Variants in SHC2 observed in about 807,000 individuals in gnomAD.
SHC2 encodes SHC adaptor protein 2.
Under a neutral mutation model 60.6 loss-of-function variants are expected in SHC2, and 62 were observed. The ratio of observed to expected loss-of-function variants is 1.02; its 90% CI spans 0.83 to 1.26. SHC2 has a LOEUF of 1.26. SHC2 is among the 50% of genes most tolerant of loss of function. The probability of loss-of-function intolerance (pLI) is 0.00; values close to 1 mark genes in which losing one functional copy is unlikely to be tolerated. For missense variants in SHC2, 873 were observed against 822.2 expected, an observed-to-expected ratio of 1.06 and a Z score of -0.76; for synonymous variants, 375 against 372.4, an observed-to-expected ratio of 1.01 and a Z score of -0.08.
At chr19:428,748 A>C (rs1282140105) in intron 9 of SHC2, among the ~76,000 whole-genome samples, 1 of 152,154 alleles carries the variant, frequency 6.6e-6, no homozygotes, top group Non-Finnish European at 1.5e-5. Context: ...GGACGAATGC[A>C]GTACCTATAT....
At chr19:435,125 T>C (rs1974686589) in intron 7 of SHC2, among the ~76,000 whole-genome samples, 1 of 152,132 alleles carries the variant, frequency 6.6e-6, no homozygotes, top group Admixed American at 6.5e-5. Flanking sequence ...CTCCACTCCT[T>C]TCTGCCCACC....
At chr19:460,199 G>A (rs112177442) in intron 1 of SHC2, among the ~76,000 whole-genome samples, 4 of 152,244 alleles carry the variant, frequency 2.6e-5, no homozygotes, top group East Asian at 3.9e-4. Context: ...TGTCCGGGGG[G>A]CTCCGGTGGC....
intron 9 of SHC2, among the ~76,000 whole-genome samples, chr19:427,346 C>T (rs1381426887): frequency 1.3e-5 from 2 of 152,212 alleles, no homozygotes; most frequent in African/African-American, 4.8e-5. Context: ...CAGTTCCCGG[C>T]TCAGCATGCA....
chr19:440,789 G>T lies in SHC2; in HGVS notation c.539+73C>A. ...CGCGGCTGTCGGAGAGCCCATCGCTGCCGCCCTCCAGTGCTGCCGCCCTCC... is the reference window on the plus strand; with the variant it reads ...CGCGGCTGTCGGAGAGCCCATCGCTTCCGCCCTCCAGTGCTGCCGCCCTCC... On this transcript the variant is annotated intron_variant, in intron 2 of 12. Transcript: ENST00000264554. This position sits in a 1 kb window ranked among gnomAD's most constrained non-coding sequence, Gnocchi z 7.0. 1 of 1,337,164 alleles carries T rather than the reference G, an allele frequency of 7.5e-7. No homozygotes were observed. The highest frequency in any genetic ancestry group is 1.1e-6 in the Non-Finnish European group (1 of 940,858). The allele number at this position is 1,337,164 out of a possible 1,614,324, so 82.8% of individuals were successfully genotyped here.
intron 10 of SHC2, among the ~76,000 whole-genome samples, chr19:423,823 C>T (rs763418199): frequency 9.2e-5 from 14 of 152,178 alleles, no homozygotes; most frequent in Admixed American, 2.0e-4. Flanking sequence ...GGAGGACGGA[C>T]GAGAAGACAC....
At position 417,157 on chromosome 19, in the gene SHC2, C is replaced by CG. The variant is rs890826568; in HGVS notation, c.*170dup. On this transcript the variant is annotated 3_prime_UTR_variant, in exon 13 of 13. Transcript: ENST00000264554. ...CGGCAGGAGGAGGCTCTGCCCAGCCCGGGGCCAGCTGGAGGAAGGACCATG... is the reference window on the plus strand; with the variant it reads ...CGGCAGGAGGAGGCTCTGCCCAGCCCGGGGGCCAGCTGGAGGAAGGACCATG... 6.5e-6 allele frequency: 1 copy of CG among 152,782 alleles called. No homozygotes were observed. Among genetic ancestry groups the CG allele is most frequent in the Non-Finnish European group, 1.5e-5 (1 of 68,274 alleles). The allele number at this position is 152,782 out of a possible 1,614,324, so 9.5% of individuals were successfully genotyped here. A position where few individuals can be genotyped will look rare whatever the true frequency, so the allele number is the denominator to read the frequency against.
At position 425,783 on chromosome 19, in the gene SHC2, C is replaced by T. The variant is rs1384861506; in HGVS notation, c.1175-552G>A. Among the ~76,000 whole-genome samples, 4 of 152,058 alleles carry T rather than the reference C, an allele frequency of 2.6e-5. No homozygotes were observed. Among genetic ancestry groups the T allele is most frequent in the East Asian group, 1.9e-4 (1 of 5,196 alleles). ...GTGGCTCACGCCTGTAATCCCAGCA[C>T]TTTGGGAGGCCGAGGTGGGTGAATC... is the stretch of plus-strand genomic sequence containing the variant. On this transcript the variant is annotated intron_variant, in intron 9 of 12. Transcript: ENST00000264554. This position sits in a 1 kb window ranked among gnomAD's most constrained non-coding sequence, Gnocchi z 4.1.
chr19:445,133 G>T lies in SHC2; in HGVS notation c.469-4201C>A, dbSNP rs1975022499. Among the ~76,000 whole-genome samples, 1 of 152,248 alleles carries T rather than the reference G, an allele frequency of 6.6e-6. No individual in the cohort carries two copies. The highest frequency in any genetic ancestry group is 2.4e-5 in the African/African-American group (1 of 41,456). ...GACCAGAAATTCAGGGCTTTTCTGTGAAATTCTCCCAGTTTGTAAATATCG... is the reference window on the plus strand; with the variant it reads ...GACCAGAAATTCAGGGCTTTTCTGTTAAATTCTCCCAGTTTGTAAATATCG... On this transcript the variant is annotated intron_variant, in intron 1 of 12. Coordinates refer to ENST00000264554, the MANE Select transcript of SHC2 (RefSeq NM_012435.3). This position sits in a 1 kb window ranked among gnomAD's most constrained non-coding sequence, Gnocchi z 4.4.
Position 460,982 on chromosome 19 carries a change from C to T in SHC2, c.15G>A (p.Pro5=). Residue 5 remains proline, a synonymous_variant, in exon 1 of 13, where the codon CCG becomes CCA. Transcript: ENST00000264554. ...GGGGCGCCGGGGGCGCGCGCCCGCC[C>T]GGACCCTGCGTCATGGCCGCGGCCG... MTQG[P]GGRAPPAPPA... 2.0e-6 allele frequency: 2 copies of T among 978,066 alleles called. No individual in the cohort carries two copies. The highest frequency in any genetic ancestry group is 1.8e-5 in the African/African-American group (1 of 56,746). 60.6% of individuals were successfully genotyped at this position (978,066 alleles called of 1,614,324 possible).
rs186026137 is a variant in SHC2 at position 435,403 on chromosome 19, C to T, written c.954-538G>A. ...GGCAGCTCTGGAGGCAGGCGAGGAGCCCGTCTCAGCTTCGGAGCGTGCTGA... is the reference window on the plus strand; with the variant it reads ...GGCAGCTCTGGAGGCAGGCGAGGAGTCCGTCTCAGCTTCGGAGCGTGCTGA... On this transcript the variant is annotated intron_variant, in intron 7 of 12. Transcript: ENST00000264554. Among the ~76,000 whole-genome samples, 314 of 152,346 alleles carry T rather than the reference C, an allele frequency of 2.1e-3. 2 individuals carry two copies. Among genetic ancestry groups the T allele is most frequent in the African/African-American group, 7.1e-3 (295 of 41,584 alleles).
chr19:437,463 G>A (rs1368285755), intron 4 of SHC2, among the ~76,000 whole-genome samples: 1 of 151,946 alleles, frequency 6.6e-6, no homozygotes, highest in African/African-American at 2.4e-5. Context: ...GTAAGCCCCC[G>A]ATACCAGCCA....
intron 12 of SHC2, among the ~76,000 whole-genome samples, chr19:418,496 C>T (rs1193973147): frequency 6.6e-6 from 1 of 152,256 alleles, no homozygotes; most frequent in Non-Finnish European, 1.5e-5. Context: ...AAACGTGGTC[C>T]CCTCACACAG....
chr19:454,457 G>A (rs918605779), intron 1 of SHC2, among the ~76,000 whole-genome samples: 3 of 152,284 alleles, frequency 2.0e-5, no homozygotes, highest in Admixed American at 6.5e-5. Flanking sequence ...GGTCTCCCGT[G>A]GCTGCCCTAA....
chr19:430,390 T>G (rs1196400404), intron 9 of SHC2, among the ~76,000 whole-genome samples: 2 of 151,630 alleles, frequency 1.3e-5, no homozygotes, highest in African/African-American at 4.9e-5. Context: ...ATATCCAACA[T>G]GCATGGACAC....
intron 1 of SHC2, among the ~76,000 whole-genome samples, chr19:458,957 C>T (rs1975465972): frequency 6.6e-6 from 1 of 152,078 alleles, no homozygotes; most frequent in Admixed American, 6.5e-5. Context: ...TGGGGGCTCC[C>T]ACAGGCTTTG....
At position 424,216 on chromosome 19, in the gene SHC2, G is replaced by A. The variant is rs192911235; in HGVS notation, c.1309+881C>T. ...AACTCTGGACACCTCAGCCAAGGAAGGACAAGCCTCCTCCGCCCGGCTGGG... is the reference window on the plus strand; with the variant it reads ...AACTCTGGACACCTCAGCCAAGGAAAGACAAGCCTCCTCCGCCCGGCTGGG... On this transcript the variant is annotated intron_variant, in intron 10 of 12. Coordinates refer to ENST00000264554, the MANE Select transcript of SHC2 (RefSeq NM_012435.3). This position sits in a 1 kb window ranked among gnomAD's most constrained non-coding sequence, Gnocchi z 4.5. Among the ~76,000 whole-genome samples, 401 of 152,302 alleles carry A rather than the reference G, an allele frequency of 2.6e-3. No homozygotes were observed. The highest frequency in any genetic ancestry group is 4.6e-3 in the Admixed American group (70 of 15,296).
At chr19:426,195 C>A (rs1314279208) in intron 9 of SHC2, among the ~76,000 whole-genome samples, 1 of 152,210 alleles carries the variant, frequency 6.6e-6, no homozygotes, top group African/African-American at 2.4e-5. Context: ...TCCACATGAA[C>A]GTGAGGCTGC....
At chr19:458,273 G>C (rs575436452) in intron 1 of SHC2, among the ~76,000 whole-genome samples, 4 of 142,128 alleles carry the variant, frequency 2.8e-5, no homozygotes, top group Admixed American at 2.8e-4. Context: ...GCGGGTCTTG[G>C]GGAGGCGGAA....
At position 438,905 on chromosome 19, in the gene SHC2, C is replaced by T. The variant is rs1031522288; in HGVS notation, c.600+65G>A. 20 of 1,552,542 alleles carry T rather than the reference C, an allele frequency of 1.3e-5. No individual in the cohort carries two copies. The highest frequency in any genetic ancestry group is 1.6e-5 in the Non-Finnish European group (18 of 1,146,812). ...GGCTGTCGAGGGGCTCCCAGGATGG[C>T]CGCAGCGTCCCCACAGCCCCCGACT... is the stretch of plus-strand genomic sequence containing the variant. On this transcript the variant is annotated intron_variant, in intron 3 of 12. Coordinates refer to ENST00000264554, the MANE Select transcript of SHC2 (RefSeq NM_012435.3). This position sits in a 1 kb window ranked among gnomAD's most constrained non-coding sequence, Gnocchi z 5.0.
Sources: allele counts gnomAD v4.1 joint callset (sites outside exome capture counted in the v4.1 genomes callset), GRCh38; gene constraint gnomAD v4.1.1; non-coding constraint Gnocchi (gnomAD v3.1); transcripts MANE v1.5; gene names NCBI Gene and HGNC (gene_info 2026-07-23, HGNC 2026-07-21).